SESN1: variants seen among roughly 807,000 people sequenced by gnomAD.
SESN1 encodes sestrin 1.
In SESN1, 30 loss-of-function variants were observed where a neutral mutation model predicts 59.3. The ratio of observed to expected loss-of-function variants is 0.51; its 90% CI spans 0.38 to 0.69. The LOEUF is 0.69. Ranked by LOEUF, SESN1 falls within the 30% of genes least tolerant of loss-of-function variation. The pLI, the probability that SESN1 is intolerant of heterozygous loss-of-function variation, is 0.00. For synonymous variants in SESN1, 197 were observed against 219.9 expected (o/e 0.90, Z 0.92); for missense variants, 566 against 673.0 (o/e 0.84, Z 1.76).
chr6:109,089,366 T>C (rs6929104), intron 1 of SESN1, among the ~76,000 whole-genome samples: 39,190 of 152,110 alleles, frequency 0.26, 6,526 homozygotes, highest in Non-Finnish European at 0.36. Context: ...CTATATGACA[T>C]TAAGAAGTTT....
chr6:109,014,235 C>T (rs547677824), intron 1 of SESN1, among the ~76,000 whole-genome samples: 4 of 152,174 alleles, frequency 2.6e-5, no homozygotes, highest in Admixed American at 2.0e-4. Flanking sequence ...GCTTTTACCC[C>T]AAAATCAATG....
Position 109,093,897 on chromosome 6 carries a change from C to A in SESN1, c.177G>T (p.Ser59=), listed in dbSNP as rs1781398613. 1.2e-6 allele frequency: 2 copies of A among 1,614,164 alleles called. No homozygotes were observed. The highest frequency in any genetic ancestry group is 1.6e-4 in the Middle Eastern group (1 of 6,062). ...PSDGLSNTES[S]DGLNKLLAHL... ...GAGCAAGTAGCTTATTCAACCCATC[C>A]GAAGACTCGGTATTTGAAAGCCCGT... The change falls in exon 1 of 10, where the codon TCG becomes TCT. Residue 59 remains serine (S), a synonymous_variant. Transcript: ENST00000436639.
At chr6:109,047,000 T>G (rs1447590743) in intron 1 of SESN1, among the ~76,000 whole-genome samples, 2 of 62,774 alleles carry the variant, frequency 3.2e-5, no homozygotes, top group East Asian at 4.2e-4. Context: ...GTGGGGGGGG[T>G]CAGCCCCCTG....
At chr6:109,026,840 A>C (rs1780102366) in intron 1 of SESN1, among the ~76,000 whole-genome samples, 1 of 152,108 alleles carries the variant, frequency 6.6e-6, no homozygotes, top group Non-Finnish European at 1.5e-5. Flanking sequence ...ACTGTTTTCC[A>C]AAGTAGTTGT....
chr6:109,068,784 G>A (rs1006093103), intron 1 of SESN1, among the ~76,000 whole-genome samples: 5 of 150,344 alleles, frequency 3.3e-5, no homozygotes, highest in African/African-American at 9.8e-5. Flanking sequence ...GCAGTGGTAC[G>A]ATCCTGGCTC....
At chr6:109,046,382 G>C (rs12332941) in intron 1 of SESN1, among the ~76,000 whole-genome samples, 3 of 151,572 alleles carry the variant, frequency 2.0e-5, no homozygotes, top group Non-Finnish European at 2.9e-5. Context: ...CGTTCACTCA[G>C]TGCTCAATGG....
At chr6:109,046,222 T>A (rs1421612998) in intron 1 of SESN1, among the ~76,000 whole-genome samples, 1 of 144,356 alleles carries the variant, frequency 6.9e-6, no homozygotes, top group African/African-American at 2.5e-5. Flanking sequence ...GCCTGCCGAG[T>A]GCCTGCGATT....
At chr6:108,999,515 A>G (rs1779571841) in intron 4 of SESN1, among the ~76,000 whole-genome samples, 1 of 152,156 alleles carries the variant, frequency 6.6e-6, no homozygotes, top group Admixed American at 6.5e-5. Flanking sequence ...CTATTAATAA[A>G]TAGAACCAGA....
chr6:108,990,882 A>T (rs1165160032), intron 7 of SESN1, 47 bp from the exon 8 acceptor site: 1 of 1,515,496 alleles, frequency 6.6e-7, no homozygotes. Flanking sequence ...GGTCAAGTAC[A>T]GTTCTATATC....
intron 1 of SESN1, among the ~76,000 whole-genome samples, chr6:109,072,393 C>G (rs935024534): frequency 2.6e-5 from 4 of 152,134 alleles, no homozygotes; most frequent in Non-Finnish European, 5.9e-5. Flanking sequence ...TTGAATATAA[C>G]TCCAGTCCTT....
chr6:109,019,371 T>TG (rs1779974452), intron 1 of SESN1, among the ~76,000 whole-genome samples: 1 of 152,304 alleles, frequency 6.6e-6, no homozygotes, highest in Non-Finnish European at 1.5e-5. Flanking sequence ...AGCAGAGTGC[T>TG]GGGGGAATCT....
chr6:109,056,539 A>G (rs1780636059), intron 1 of SESN1, among the ~76,000 whole-genome samples: 1 of 152,236 alleles, frequency 6.6e-6, no homozygotes, highest in Non-Finnish European at 1.5e-5. Flanking sequence ...GTAGTGGCAG[A>G]AAATGGACAG....
At chr6:108,987,808 T>A (rs1437182925) in intron 9 of SESN1, among the ~76,000 whole-genome samples, 178 bp from the exon 10 acceptor site, 1 of 147,006 alleles carries the variant, frequency 6.8e-6, no homozygotes, top group Non-Finnish European at 1.5e-5. Context: ...GCAGCTATCT[T>A]TTTTTTTTTT....
chr6:109,056,631 C>A (rs1423066703), intron 1 of SESN1, among the ~76,000 whole-genome samples: 3 of 152,158 alleles, frequency 2.0e-5, no homozygotes, highest in Admixed American at 6.5e-5. Flanking sequence ...TTTGACTTCC[C>A]AGCCTCCCTT....
At position 109,040,765 on chromosome 6, in the gene SESN1, G is replaced by A. The variant is rs189433398; in HGVS notation, c.280-38422C>T. Among the ~76,000 whole-genome samples the A allele has an allele frequency of 3.2e-3, 485 of 150,782 alleles. 2 individuals are homozygous for A. The highest frequency in any genetic ancestry group is 3.6e-3 in the Non-Finnish European group (244 of 67,852). On this transcript the variant is annotated intron_variant, in intron 1 of 9. Transcript: ENST00000436639. ...CCTCCTGGGTTCAAGCGATTCTCCC[G>A]CCTCAGCCTCCTGAGTAGCTGGAAC...
At chr6:109,070,369 C>T (rs1406848405) in intron 1 of SESN1, among the ~76,000 whole-genome samples, 1 of 152,152 alleles carries the variant, frequency 6.6e-6, no homozygotes, top group Non-Finnish European at 1.5e-5. Context: ...CATGGGTTGT[C>T]CTCCCTATGG....
At chr6:109,053,536 A>G (rs1174975897) in intron 1 of SESN1, among the ~76,000 whole-genome samples, 1 of 152,226 alleles carries the variant, frequency 6.6e-6, no homozygotes, top group East Asian at 1.9e-4. Flanking sequence ...AAGTGGGAAC[A>G]ACAGCAGTAA....
At chr6:109,046,379 T>A (rs1264588099) in intron 1 of SESN1, among the ~76,000 whole-genome samples, 1 of 151,582 alleles carries the variant, frequency 6.6e-6, no homozygotes, top group Non-Finnish European at 1.5e-5. Flanking sequence ...TCTCGTTCAC[T>A]CAGTGCTCAA....
At chr6:109,078,504 A>G (rs1038570839) in intron 1 of SESN1, among the ~76,000 whole-genome samples, 1 of 152,222 alleles carries the variant, frequency 6.6e-6, no homozygotes. Flanking sequence ...TCATAAATAT[A>G]TTAACATGTA....
Sources: allele counts gnomAD v4.1 joint callset (sites outside exome capture counted in the v4.1 genomes callset), GRCh38; gene constraint gnomAD v4.1.1; transcripts MANE v1.5; gene names NCBI Gene and HGNC (gene_info 2026-07-23, HGNC 2026-07-21).